Variants in ANO3 observed in about 807,000 individuals in gnomAD.
The protein encoded by ANO3 is anoctamin 3.
Under a neutral mutation model 144.8 loss-of-function variants are expected in ANO3, and 99 were observed. The ratio of observed to expected loss-of-function variants is 0.68; its 90% CI spans 0.58 to 0.81. The LOEUF (loss-of-function observed/expected upper bound fraction) is 0.81. ANO3 is among the 30% of genes least tolerant of loss of function. The probability of loss-of-function intolerance (pLI) is 0.00; values close to 1 mark genes in which losing one functional copy is unlikely to be tolerated. For missense variants in ANO3, 905 were observed against 1,202.2 expected (o/e 0.75, Z 3.66); for synonymous variants, 414 against 392.6 (o/e 1.05, Z -0.64).
intron 9 of ANO3, among the ~76,000 whole-genome samples, chr11:26,536,284 A>C (rs1345486044): frequency 1.3e-5 from 2 of 151,016 alleles, no homozygotes; most frequent in Non-Finnish European, 1.5e-5. Flanking sequence ...ATGCCACTGC[A>C]CTCCAGCCTG....
At chr11:26,566,616 C>G (rs1850595135) in intron 14 of ANO3, among the ~76,000 whole-genome samples, 1 of 151,788 alleles carries the variant, frequency 6.6e-6, no homozygotes, top group African/African-American at 2.4e-5. Flanking sequence ...TAATCTTACT[C>G]TCTTATTTTA....
chr11:26,367,802 G>A (rs902344259), intron 1 of ANO3, among the ~76,000 whole-genome samples: 1 of 152,130 alleles, frequency 6.6e-6, no homozygotes, highest in Non-Finnish European at 1.5e-5. Context: ...TTTCAATAGT[G>A]GCACAAGGGG....
At chr11:26,236,781 G>A (rs1463989571) in intron 1 of ANO3, among the ~76,000 whole-genome samples, 4 of 136,144 alleles carry the variant, frequency 2.9e-5, no homozygotes, top group African/African-American at 1.1e-4. Context: ...TCGCGCCACT[G>A]CACTCCAGCC....
chr11:26,196,885 C>T (rs1851599921), intron 1 of ANO3, among the ~76,000 whole-genome samples: 1 of 151,934 alleles, frequency 6.6e-6, no homozygotes, highest in African/African-American at 2.4e-5. Flanking sequence ...TAGGACCTAC[C>T]AAAATGCAAG....
At chr11:26,224,275 TAG>T (rs1852211457) in intron 1 of ANO3, among the ~76,000 whole-genome samples, 2 of 152,174 alleles carry the variant, frequency 1.3e-5, no homozygotes, top group Non-Finnish European at 2.9e-5. Context: ...CCCCGTACAA[TAG>T]GTCACAGCAC....
intron 1 of ANO3, among the ~76,000 whole-genome samples, chr11:26,392,022 C>T (rs954875454): frequency 1.3e-5 from 2 of 152,050 alleles, no homozygotes; most frequent in South Asian, 4.1e-4. Flanking sequence ...CTAATGAATC[C>T]TCTTTCTTGA....
intron 14 of ANO3, among the ~76,000 whole-genome samples, chr11:26,577,423 C>A (rs138770548): frequency 8.7e-4 from 132 of 152,108 alleles, no homozygotes; most frequent in African/African-American, 3.0e-3. Flanking sequence ...GGTAGCTGGG[C>A]ATGGTGGCAG....
chr11:26,586,686 G>A (rs534517533), intron 14 of ANO3, among the ~76,000 whole-genome samples: 1,942 of 109,668 alleles, frequency 0.018, 44 homozygotes, highest in African/African-American at 0.059. Context: ...TGTATTTTTA[G>A]TAGAGAGGAG....
At chr11:26,593,224 G>A (rs61878570) in intron 14 of ANO3, among the ~76,000 whole-genome samples, 20,618 of 152,166 alleles carry the variant, frequency 0.14, 1,720 homozygotes, top group South Asian at 0.18. Context: ...AGCATACTTA[G>A]AGTCTGTATA....
At chr11:26,589,128 G>C (rs1465341067) in intron 14 of ANO3, among the ~76,000 whole-genome samples, 1 of 152,192 alleles carries the variant, frequency 6.6e-6, no homozygotes, top group Non-Finnish European at 1.5e-5. Flanking sequence ...TGGGTGGAGA[G>C]TAACTAGCAA....
chr11:26,460,156 C>T (rs189048058), intron 3 of ANO3: 673 of 440,076 alleles, frequency 1.5e-3, no homozygotes, highest in Non-Finnish European at 2.4e-3. Flanking sequence ...TTAAAACTAT[C>T]TGCATACTCT....
intron 4 of ANO3, among the ~76,000 whole-genome samples, chr11:26,473,043 C>T (rs960306767): frequency 6.6e-6 from 1 of 151,892 alleles, no homozygotes; most frequent in Non-Finnish European, 1.5e-5. Context: ...TTCATTAATC[C>T]CTTCATGCCA....
chr11:26,330,744 ATC>A (rs1211323449), upstream of ANO3, among the ~76,000 whole-genome samples: 10 of 152,346 alleles, frequency 6.6e-5, no homozygotes, highest in Admixed American at 1.3e-4. Flanking sequence ...TAATTGGAGC[ATC>A]TGTTTGTTCA....
At chr11:26,210,028 G>A (rs1262794868) in intron 1 of ANO3, among the ~76,000 whole-genome samples, 8 of 152,118 alleles carry the variant, frequency 5.3e-5, no homozygotes, top group African/African-American at 1.2e-4. Flanking sequence ...TGTTGCAATC[G>A]CTTTTGGTGT....
chr11:26,660,636 C>G lies in ANO3; in HGVS notation c.*192C>G. The G allele has an allele frequency of 1.9e-6, 1 of 535,936 alleles. No individual in the cohort carries two copies. Among genetic ancestry groups the G allele is most frequent in the Non-Finnish European group, 3.2e-6 (1 of 314,626 alleles). 33.2% of individuals were successfully genotyped at this position (535,936 alleles called of 1,614,324 possible). A position where few individuals can be genotyped will look rare whatever the true frequency, so the allele number is the denominator to read the frequency against. Reference sequence around the variant, plus strand: ...TGTAGGGAAGAAAACAATGACTTGACGACCTTAAAAAGGGTTAGATTGACA... The same window carrying G: ...TGTAGGGAAGAAAACAATGACTTGAGGACCTTAAAAAGGGTTAGATTGACA... On this transcript the variant is annotated 3_prime_UTR_variant, in exon 27 of 27. Transcript: ENST00000256737.
At chr11:26,365,927 A>G (rs1856057539) in intron 1 of ANO3, among the ~76,000 whole-genome samples, 1 of 149,426 alleles carries the variant, frequency 6.7e-6, no homozygotes, top group Non-Finnish European at 1.5e-5. Context: ...AGCCTGCTTG[A>G]ATTCCTCTCC....
At chr11:26,194,742 T>C (rs1851550990) in intron 1 of ANO3, among the ~76,000 whole-genome samples, 1 of 151,934 alleles carries the variant, frequency 6.6e-6, no homozygotes, top group African/African-American at 2.4e-5. Context: ...TTTTTTGTAT[T>C]TTTAGTAGAG....
At chr11:26,429,478 A>G (rs1858017422) in intron 1 of ANO3, among the ~76,000 whole-genome samples, 2 of 139,158 alleles carry the variant, frequency 1.4e-5, no homozygotes, top group African/African-American at 5.2e-5. Flanking sequence ...AAAAAAACAT[A>G]TCATGTAGAG....
At chr11:26,286,555 C>A (rs1403576358) in intron 1 of ANO3, among the ~76,000 whole-genome samples, 1 of 152,174 alleles carries the variant, frequency 6.6e-6, no homozygotes, top group Non-Finnish European at 1.5e-5. Flanking sequence ...TAATCCATTT[C>A]CCAAACTTTC....
Sources: allele counts gnomAD v4.1 joint callset (sites outside exome capture counted in the v4.1 genomes callset), GRCh38; gene constraint gnomAD v4.1.1; transcripts MANE v1.5; gene names NCBI Gene and HGNC (gene_info 2026-07-23, HGNC 2026-07-21).